The following IRAK3 variants were observed in gnomAD, a reference collection of about 807,000 sequenced individuals.
IRAK3 encodes interleukin 1 receptor associated kinase 3.
Under a neutral mutation model 56.6 loss-of-function variants are expected in IRAK3, and 57 were observed. That is an observed-to-expected ratio of 1.01 (90% CI 0.81 to 1.26). IRAK3 has a LOEUF of 1.26. IRAK3 is among the 50% of genes most tolerant of loss of function. IRAK3 has a pLI of 0.00. For synonymous variants in IRAK3, 258 were observed against 255.7 expected, an observed-to-expected ratio of 1.01 and a Z score of -0.09; for missense variants, 703 against 719.0, an observed-to-expected ratio of 0.98 and a Z score of 0.25.
chr12:66,192,311 G>T (rs2052406986), intron 1 of IRAK3, among the ~76,000 whole-genome samples: 1 of 152,080 alleles, frequency 6.6e-6, no homozygotes, highest in South Asian at 2.1e-4. Context: ...TAAAAATAAT[G>T]TAATCACAAG....
At position 66,189,342 on chromosome 12, in the gene IRAK3, A is replaced by G. The variant is rs1434715363; in HGVS notation, c.43A>G (p.Thr15Ala). Residue 15 changes from threonine (T) to alanine (A), a missense_variant, in exon 1 of 12, where the codon ACG becomes GCG. Coordinates refer to ENST00000261233, the MANE Select transcript of IRAK3 (RefSeq NM_007199.3). ...GGCCCGCGGCGCGCTGTCGGCGCAC[A>G]CGCTGCTGTTCGACCTGCCGCCCGC... ...CGARGALSAH[T>A]LLFDLPPALL... The G allele has an allele frequency of 1.3e-6, 2 of 1,532,584 alleles. No individual in the cohort carries two copies. The highest frequency in any genetic ancestry group is 8.7e-7 in the Non-Finnish European group (1 of 1,145,742). 94.9% of individuals were successfully genotyped at this position (1,532,584 alleles called of 1,614,324 possible).
At chr12:66,193,056 G>T (rs2052414077) in intron 1 of IRAK3, among the ~76,000 whole-genome samples, 1 of 151,948 alleles carries the variant, frequency 6.6e-6, no homozygotes, top group South Asian at 2.1e-4. Flanking sequence ...TGCCTAGGCT[G>T]GAGTGCAATG....
rs576582075 is a variant in IRAK3, at chr12:66,238,522, G to A, written c.888-5964G>A. On this transcript the variant is annotated intron_variant, in intron 8 of 11. Transcript: ENST00000261233. ...CACTTTTTAAGGAATTAAAGGTCTG[G>A]GATTAATGGAAGCATGTTGGCGTCA... Among the ~76,000 whole-genome samples the A allele has an allele frequency of 3.9e-5, 6 of 152,280 alleles. No individual in the cohort carries two copies. The South Asian group carries it at 1.2e-3, about 32-fold the overall frequency.
chr12:66,221,214 A>C (rs943722950), intron 6 of IRAK3, among the ~76,000 whole-genome samples: 3 of 151,884 alleles, frequency 2.0e-5, no homozygotes, highest in Non-Finnish European at 4.4e-5. Context: ...TTATATGTTG[A>C]TTTTGTATTA....
At chr12:66,202,574 T>C (rs918083949) in intron 1 of IRAK3, among the ~76,000 whole-genome samples, 2 of 151,714 alleles carry the variant, frequency 1.3e-5, no homozygotes, top group African/African-American at 4.8e-5. Context: ...TCCTAGGAGT[T>C]TGAGACCAGC....
chr12:66,233,345 C>T (rs1156283167), intron 8 of IRAK3, among the ~76,000 whole-genome samples: 3 of 152,118 alleles, frequency 2.0e-5, no homozygotes, highest in African/African-American at 4.8e-5. Context: ...GGTGAAACCC[C>T]GTCTCTACTA....
chr12:66,203,927 C>G (rs958700305), intron 2 of IRAK3, 34 bp downstream of exon 2: 2 of 1,526,402 alleles, frequency 1.3e-6, no homozygotes, highest in Admixed American at 3.3e-5. Context: ...GGCTCTTAAT[C>G]TGTAATAGGA....
rs1478830717 is a variant in IRAK3, at chr12:66,249,114, AT to A, written c.*946del. The A allele has an allele frequency of 6.6e-6, 1 of 151,730 alleles. No homozygotes were observed. Among genetic ancestry groups the A allele is most frequent in the East Asian group, 1.9e-4 (1 of 5,170 alleles). 9.4% of individuals were successfully genotyped at this position (151,730 alleles called of 1,614,324 possible). On this transcript the variant is annotated 3_prime_UTR_variant, in exon 12 of 12. Transcript: ENST00000261233. Reference sequence around the variant, plus strand: ...AGTATTTCCACAGCAATTTCTTTGTATTTCTATTTTATATTTATCACTTTCT... The same window carrying A: ...AGTATTTCCACAGCAATTTCTTTGTATTCTATTTTATATTTATCACTTTCT...
intron 6 of IRAK3, among the ~76,000 whole-genome samples, chr12:66,225,462 A>C (rs2052776614): frequency 6.6e-6 from 1 of 151,990 alleles, no homozygotes; most frequent in Non-Finnish European, 1.5e-5. Flanking sequence ...CGCCACGTAC[A>C]CACAATATAT....
intron 8 of IRAK3, 92 bp from the exon 9 acceptor site, chr12:66,244,394 C>T: frequency 1.1e-6 from 1 of 879,284 alleles, no homozygotes; most frequent in Non-Finnish European, 1.9e-6. Flanking sequence ...TCGAATTAAC[C>T]AGATATGAAG....
rs200025025 is a variant in IRAK3 at position 66,203,913 on chromosome 12, A to G, written c.316+20A>G. 444 of 1,598,662 alleles carry G rather than the reference A, an allele frequency of 2.8e-4. No homozygotes were observed. Among genetic ancestry groups the G allele is most frequent in the Non-Finnish European group, 3.6e-4 (417 of 1,166,006 alleles). ...ACTATGGTAAATGCTGATTCTTATAATGTGGCTCTTAATCTGTAATAGGAA... is the reference window on the plus strand; with the variant it reads ...ACTATGGTAAATGCTGATTCTTATAGTGTGGCTCTTAATCTGTAATAGGAA... On this transcript the variant is annotated intron_variant, in intron 2 of 11. Transcript: ENST00000261233.
In IRAK3 at chr12:66,252,085, C is replaced by T. The variant is rs1230420138; in HGVS notation, c.*3914C>T. The T allele has an allele frequency of 1.3e-5, 2 of 152,206 alleles. No homozygotes were observed. Among genetic ancestry groups the T allele is most frequent in the Non-Finnish European group, 2.9e-5 (2 of 68,026 alleles). 9.4% of individuals were successfully genotyped at this position (152,206 alleles called of 1,614,324 possible). ...ATTGGGGATCCACAGCAGCTGTGCA[C>T]AACCATCCCTAATGCCAGAAAAATG... is the stretch of plus-strand genomic sequence containing the variant. On this transcript the variant is annotated 3_prime_UTR_variant, in exon 12 of 12. Transcript: ENST00000261233.
chr12:66,234,178 A>G (rs150909467), intron 8 of IRAK3: 1 of 1,614,126 alleles, frequency 6.2e-7, no homozygotes, highest in Non-Finnish European at 8.5e-7. Context: ...TCGTCTGCAT[A>G]TGTTCATACT....
At chr12:66,233,213 T>C (rs1467433268) in intron 8 of IRAK3, among the ~76,000 whole-genome samples, 1 of 152,068 alleles carries the variant, frequency 6.6e-6, no homozygotes, top group Non-Finnish European at 1.5e-5. Context: ...ATAAGACACT[T>C]CACACTGCAT....
intron 6 of IRAK3, among the ~76,000 whole-genome samples, chr12:66,219,901 C>T (rs2052713892): frequency 6.6e-6 from 1 of 152,050 alleles, no homozygotes; most frequent in Non-Finnish European, 1.5e-5. Flanking sequence ...AGGTTATTTG[C>T]TTTTTTGCTA....
intron 6 of IRAK3, among the ~76,000 whole-genome samples, chr12:66,219,836 A>G (rs1313458396): frequency 6.6e-6 from 1 of 152,080 alleles, no homozygotes; most frequent in East Asian, 1.9e-4. Flanking sequence ...CCTCTTAGTC[A>G]TTGGTATGTC....
At chr12:66,193,755 G>GAC (rs1272034478) in intron 1 of IRAK3, among the ~76,000 whole-genome samples, 4 of 152,172 alleles carry the variant, frequency 2.6e-5, no homozygotes, top group African/African-American at 9.7e-5. Context: ...ATAAAGTACT[G>GAC]ACCTGTATCC....
chr12:66,245,234 G>T lies in IRAK3; in HGVS notation c.1286G>T (p.Arg429Leu). The change falls in exon 11 of 12, where the codon CGG becomes CTG. Residue 429 changes from arginine (R) to leucine (L), a missense_variant. By Grantham distance (102) the Arg-to-Leu change is moderately radical (BLOSUM62 -2). Transcript: ENST00000261233. Reference sequence around the variant, plus strand: ...TTGGCAGGCCGGTGTGCTGCAACGCGGGCAAAGTTAAGACCATCAATGGAT... The same window carrying T: ...TTGGCAGGCCGGTGTGCTGCAACGCTGGCAAAGTTAAGACCATCAATGGAT... ...FCLAGRCAAT[R>L]AKLRPSMDEV... 1.9e-6 allele frequency: 3 copies of T among 1,614,052 alleles called. No individual in the cohort carries two copies. The highest frequency in any genetic ancestry group is 2.5e-6 in the Non-Finnish European group (3 of 1,180,024).
chr12:66,214,152 G>A (rs949422648), intron 5 of IRAK3, among the ~76,000 whole-genome samples: 2 of 152,110 alleles, frequency 1.3e-5, no homozygotes, highest in African/African-American at 4.8e-5. Flanking sequence ...GATTTGTGTT[G>A]TTAAAATATG....
Sources: gnomAD v4.1 joint callset for allele counts (sites outside exome capture counted in the v4.1 genomes callset) on GRCh38, gnomAD v4.1.1 for gene constraint, MANE v1.5 for transcripts, NCBI Gene and HGNC (gene_info 2026-07-23, HGNC 2026-07-21) for gene names.